MATN2: variants seen among roughly 807,000 people sequenced by gnomAD.
MATN2 encodes the protein matrilin 2, also known as matrilin-2.
Under a neutral mutation model 103.2 loss-of-function variants are expected in MATN2, and 69 were observed. That is an observed-to-expected ratio of 0.67 (90% CI 0.55 to 0.82). MATN2 has a LOEUF of 0.82. Among genes scored for constraint, MATN2 ranks in the 40% least tolerant of loss-of-function variants. The probability of loss-of-function intolerance (pLI) is 0.00; values close to 1 mark genes in which losing one functional copy is unlikely to be tolerated. For synonymous variants in MATN2, 429 were observed against 450.2 expected (o/e 0.95, Z 0.60); for missense variants, 1,023 against 1,211.5 (o/e 0.84, Z 2.31).
chr8:97,922,751 A>G (rs1382062168), intron 2 of MATN2, among the ~76,000 whole-genome samples: 3 of 152,228 alleles, frequency 2.0e-5, no homozygotes, highest in Non-Finnish European at 4.4e-5. Flanking sequence ...ACCAAAAGGT[A>G]GTCAACCACT....
At chr8:97,888,764 A>G (rs1818529963) in intron 2 of MATN2, among the ~76,000 whole-genome samples, 1 of 152,194 alleles carries the variant, frequency 6.6e-6, no homozygotes, top group African/African-American at 2.4e-5. Flanking sequence ...CACGGAAAAC[A>G]TGTAAATCAG....
At chr8:97,924,854 G>A (rs1338872522) in intron 2 of MATN2, among the ~76,000 whole-genome samples, 1 of 151,930 alleles carries the variant, frequency 6.6e-6, no homozygotes, top group African/African-American at 2.4e-5. Flanking sequence ...TGAGTATTCT[G>A]GAAATGGCAG....
At chr8:97,977,388 G>A (rs1811875626) in intron 5 of MATN2, among the ~76,000 whole-genome samples, 1 of 151,768 alleles carries the variant, frequency 6.6e-6, no homozygotes, top group Admixed American at 6.6e-5. Flanking sequence ...ACCCTAATAA[G>A]CACATTTTAA....
intron 2 of MATN2, among the ~76,000 whole-genome samples, chr8:97,905,351 T>C (rs1286322718): frequency 6.6e-6 from 1 of 152,192 alleles, no homozygotes; most frequent in Non-Finnish European, 1.5e-5. Flanking sequence ...TCATCCCAAA[T>C]AGAAACTCTG....
chr8:97,907,573 C>T (rs531526704), intron 2 of MATN2, among the ~76,000 whole-genome samples: 24 of 151,980 alleles, frequency 1.6e-4, no homozygotes, highest in Non-Finnish European at 2.6e-4. Flanking sequence ...CCACCCGCCT[C>T]GGCCTCCCAA....
intron 2 of MATN2, among the ~76,000 whole-genome samples, chr8:97,908,817 CA>C (rs1055838299): frequency 2.0e-4 from 30 of 152,252 alleles, no homozygotes; most frequent in African/African-American, 6.0e-4. Context: ...TTAGTAGAGA[CA>C]GGGTTTTGCC....
intron 4 of MATN2, among the ~76,000 whole-genome samples, 190 bp downstream of exon 4, chr8:97,942,089 G>A (rs1810587459): frequency 6.6e-6 from 1 of 152,182 alleles, no homozygotes; most frequent in Non-Finnish European, 1.5e-5. Context: ...TGGGCACATA[G>A]TAGGCCATCA....
At chr8:97,908,254 T>A (rs527491771) in intron 2 of MATN2, among the ~76,000 whole-genome samples, 6 of 150,944 alleles carry the variant, frequency 4.0e-5, no homozygotes, top group African/African-American at 1.5e-4. Context: ...TGAAACTCTA[T>A]CTCAAAAAAA....
At chr8:98,015,035 G>A (rs761946131) in intron 10 of MATN2, among the ~76,000 whole-genome samples, 2 of 152,120 alleles carry the variant, frequency 1.3e-5, no homozygotes, top group Non-Finnish European at 2.9e-5. Flanking sequence ...GTTTTCACAG[G>A]TTCACAAACC....
intron 8 of MATN2, among the ~76,000 whole-genome samples, chr8:98,004,790 C>A (rs1812910302): frequency 6.6e-6 from 1 of 152,204 alleles, no homozygotes; most frequent in African/African-American, 2.4e-5. Context: ...TGTGTCAGAG[C>A]CACAACAAAG....
intron 1 of MATN2, among the ~76,000 whole-genome samples, chr8:97,883,621 C>T (rs1387351697): frequency 2.0e-5 from 3 of 149,898 alleles, no homozygotes; most frequent in Admixed American, 6.7e-5. Flanking sequence ...GGCATGATCT[C>T]GGCTCACTGC....
chr8:97,963,115 A>G (rs984703484), intron 5 of MATN2, among the ~76,000 whole-genome samples: 5 of 152,244 alleles, frequency 3.3e-5, no homozygotes, highest in African/African-American at 1.2e-4. Context: ...AGCCTGGGTG[A>G]CAGAGCGAGA....
chr8:98,003,129 CCGGG>C (rs1186936852), intron 7 of MATN2, among the ~76,000 whole-genome samples: 6 of 151,696 alleles, frequency 4.0e-5, no homozygotes, highest in Non-Finnish European at 8.8e-5. Flanking sequence ...CCCCTCATCC[CCGGG>C]CATTTGTGTT....
intron 2 of MATN2, among the ~76,000 whole-genome samples, chr8:97,918,933 C>A (rs1809721770): frequency 1.3e-5 from 2 of 152,162 alleles, no homozygotes; most frequent in Admixed American, 1.3e-4. Context: ...TGCCTATCTT[C>A]TTTATTTTCT....
intron 14 of MATN2, among the ~76,000 whole-genome samples, chr8:98,028,137 T>A (rs1035386821): frequency 2.0e-5 from 3 of 152,206 alleles, no homozygotes; most frequent in African/African-American, 7.2e-5. Flanking sequence ...CGCCTAGATA[T>A]ACACAATAGT....
chr8:97,897,568 G>A (rs561947339), intron 2 of MATN2, among the ~76,000 whole-genome samples: 3 of 152,298 alleles, frequency 2.0e-5, no homozygotes, highest in Admixed American at 1.3e-4. Context: ...AATGAAGGTC[G>A]ATGCATTGAG....
At chr8:97,910,208 C>A (rs765109497) in intron 2 of MATN2, among the ~76,000 whole-genome samples, 1 of 151,986 alleles carries the variant, frequency 6.6e-6, no homozygotes, top group Admixed American at 6.6e-5. Flanking sequence ...ACTACAGGGG[C>A]GTGCCACCAC....
chr8:98,022,290 C>A (rs1813621782), intron 13 of MATN2, among the ~76,000 whole-genome samples: 1 of 151,890 alleles, frequency 6.6e-6, no homozygotes, highest in South Asian at 2.1e-4. Context: ...AACATACAGT[C>A]TCTCTTTCTC....
intron 5 of MATN2, among the ~76,000 whole-genome samples, chr8:97,977,235 CAAAAAAAAAAAAA>C (rs34634037): frequency 5.6e-4 from 20 of 35,938 alleles, no homozygotes; most frequent in African/African-American, 1.8e-3. Context: ...GACCCTGTCT[CAAAAAAAAAAAAA>C]AAAAAAAAAA....
Sources: gnomAD v4.1 joint callset for allele counts (sites outside exome capture counted in the v4.1 genomes callset) on GRCh38, gnomAD v4.1.1 for gene constraint, MANE v1.5 for transcripts, NCBI Gene and HGNC (gene_info 2026-07-23, HGNC 2026-07-21) for gene names.